The following NOMO2 variants were observed in gnomAD, a reference collection of about 807,000 sequenced individuals.
NOMO2 encodes the protein NODAL modulator 2, also known as BOS complex subunit NOMO2.
A neutral mutation model predicts 67.1 loss-of-function variants in NOMO2; 14 were observed. That is an observed-to-expected ratio of 0.21 (90% CI 0.14 to 0.33). The LOEUF (loss-of-function observed/expected upper bound fraction) is 0.33. Ranked by LOEUF, NOMO2 falls within the 10% of genes least tolerant of loss-of-function variation. NOMO2 has a pLI of 1.00. For synonymous variants in NOMO2, 80 were observed against 305.9 expected, an observed-to-expected ratio of 0.26 and a Z score of 7.71; for missense variants, 178 against 761.0, an observed-to-expected ratio of 0.23 and a Z score of 9.01.
At chr16:18,553,013 C>A (rs1401576782) in intron 3 of NOMO2, among the ~76,000 whole-genome samples, 1 of 151,916 alleles carries the variant, frequency 6.6e-6, no homozygotes, top group Non-Finnish European at 1.5e-5. Context: ...GTGGCTCTTG[C>A]CTATAATCCC....
At chr16:18,529,190 G>A (rs1304491415) in intron 15 of NOMO2, among the ~76,000 whole-genome samples, 2 of 149,884 alleles carry the variant, frequency 1.3e-5, no homozygotes, top group Non-Finnish European at 3.0e-5. Flanking sequence ...AGCAGTAAAT[G>A]AATTTACCCG....
intron 6 of NOMO2, among the ~76,000 whole-genome samples, chr16:18,544,650 C>G (rs1901624708): frequency 1.3e-5 from 2 of 152,094 alleles, no homozygotes; most frequent in Admixed American, 6.6e-5. Context: ...TCCAATCACG[C>G]AACAGTGCCA....
intron 15 of NOMO2, among the ~76,000 whole-genome samples, chr16:18,528,992 CATATATATATATATATATATATATATAT>C (rs60355905): frequency 0.016 from 200 of 12,318 alleles, 1 homozygote; most frequent in East Asian, 0.081. Flanking sequence ...AAAAAAAATA[CATATATATATATATATATATATATATAT>C]ATATATATAT....
intron 9 of NOMO2, among the ~76,000 whole-genome samples, chr16:18,541,845 A>T (rs1188655917): frequency 1.4e-5 from 2 of 141,238 alleles, no homozygotes; most frequent in East Asian, 4.1e-4. Context: ...CTATCTTAAA[A>T]AAAAAAAAAA....
chr16:18,561,173 T>TAAAAAAAAAAAAAAAAA (rs756246897), intron 1 of NOMO2, among the ~76,000 whole-genome samples: 5 of 32,456 alleles, frequency 1.5e-4, no homozygotes, highest in East Asian at 1.2e-3. Flanking sequence ...ACAACTTAAT[T>TAAAAAAAAAAAAAAAAA]AAAAAAAAAA....
At chr16:18,537,279 A>G (rs1477874986) in intron 11 of NOMO2, among the ~76,000 whole-genome samples, 2 of 151,196 alleles carry the variant, frequency 1.3e-5, no homozygotes, top group Non-Finnish European at 3.0e-5. Context: ...TGGGCACCCT[A>G]AATATCTCAC....
At chr16:18,534,411 C>T (rs1176894247) in intron 11 of NOMO2, among the ~76,000 whole-genome samples, 1 of 145,366 alleles carries the variant, frequency 6.9e-6, no homozygotes, top group Admixed American at 7.1e-5. Context: ...CTGTGGTGTC[C>T]AAAAATGTAG....
At chr16:18,528,677 G>A (rs1423106621) in intron 15 of NOMO2, among the ~76,000 whole-genome samples, 1 of 151,834 alleles carries the variant, frequency 6.6e-6, no homozygotes, top group African/African-American at 2.4e-5. Context: ...AGAGAAGGTG[G>A]GGCACAATGG....
chr16:18,560,400 G>A (rs1307287039), intron 1 of NOMO2, among the ~76,000 whole-genome samples: 1 of 151,292 alleles, frequency 6.6e-6, no homozygotes, highest in Non-Finnish European at 1.5e-5. Context: ...CAGAACCCCT[G>A]GAAACTACAA....
chr16:18,540,325 T>C (rs1363225655), intron 9 of NOMO2, among the ~76,000 whole-genome samples: 6 of 151,390 alleles, frequency 4.0e-5, no homozygotes, highest in Admixed American at 1.3e-4. Context: ...TTCACATATG[T>C]ACTCAACAAA....
chr16:18,550,408 A>G (rs1901756318), intron 4 of NOMO2, among the ~76,000 whole-genome samples: 1 of 150,786 alleles, frequency 6.6e-6, no homozygotes, highest in Non-Finnish European at 1.5e-5. Flanking sequence ...AAAAAGATTC[A>G]CCATTATTTT....
chr16:18,528,992 C>CAT (rs60355905), intron 15 of NOMO2, among the ~76,000 whole-genome samples: 15 of 12,320 alleles, frequency 1.2e-3, no homozygotes, highest in African/African-American at 3.8e-3. Context: ...AAAAAAAATA[C>CAT]ATATATATAT....
At chr16:18,551,227 G>C (rs929459307) in intron 4 of NOMO2, among the ~76,000 whole-genome samples, 1 of 151,980 alleles carries the variant, frequency 6.6e-6, no homozygotes, top group African/African-American at 2.4e-5. Context: ...TGGGAGCAGA[G>C]GGGATGACCA....
intron 9 of NOMO2, among the ~76,000 whole-genome samples, chr16:18,539,734 A>G (rs2141733549): frequency 6.6e-6 from 1 of 151,656 alleles, no homozygotes; most frequent in East Asian, 1.9e-4. Flanking sequence ...GTGACGCAGC[A>G]AGACTCTGTC....
At chr16:18,550,867 C>T (rs555358896) in intron 4 of NOMO2, among the ~76,000 whole-genome samples, 524 of 151,908 alleles carry the variant, frequency 3.4e-3, no homozygotes, top group African/African-American at 0.011. Context: ...CTGACATAAA[C>T]GCTAACAGCG....
rs551043177 is a variant in NOMO2 at position 18,547,748 on chromosome 16, C to T, written c.510-448G>A. On this transcript the variant is annotated intron_variant, in intron 5 of 30. Transcript: ENST00000622306. Reference sequence around the variant, plus strand: ...GAACAGATGCACAGGCTGAGGGGGACGCTGACCCAAGATGATGCAAATGAC... The same window carrying T: ...GAACAGATGCACAGGCTGAGGGGGATGCTGACCCAAGATGATGCAAATGAC... Among the ~76,000 whole-genome samples, 201 of 151,604 alleles carry T rather than the reference C, an allele frequency of 1.3e-3. 1 individual carries two copies. Among genetic ancestry groups the T allele is most frequent in the Middle Eastern group, 3.4e-3 (1 of 292 alleles).
chr16:18,533,548 A>C (rs1901353011), intron 11 of NOMO2: 2 of 193,302 alleles, frequency 1.0e-5, no homozygotes, highest in Admixed American at 1.1e-4. Context: ...CCTTGGACTG[A>C]GAATGTGGGC....
chr16:18,550,679 T>C (rs1901764121), intron 4 of NOMO2, among the ~76,000 whole-genome samples: 1 of 152,006 alleles, frequency 6.6e-6, no homozygotes, highest in African/African-American at 2.4e-5. Context: ...CACACCACCG[T>C]GGCGGTCCAA....
intron 11 of NOMO2, among the ~76,000 whole-genome samples, chr16:18,536,678 G>A (rs1446591754): frequency 6.6e-6 from 1 of 152,082 alleles, no homozygotes; most frequent in East Asian, 1.9e-4. Flanking sequence ...TCTTCAGTCT[G>A]TCTCCCTGGA....
Sources: gnomAD v4.1 joint callset for allele counts (sites outside exome capture counted in the v4.1 genomes callset) on GRCh38, gnomAD v4.1.1 for gene constraint, MANE v1.5 for transcripts, NCBI Gene and HGNC (gene_info 2026-07-23, HGNC 2026-07-21) for gene names.